The following OPRM1 variants were observed in gnomAD, a reference collection of about 807,000 sequenced individuals.
The protein encoded by OPRM1 is mu-type opioid receptor.
OPRM1 carries 27 observed loss-of-function variants against 31.8 expected under a neutral mutation model. That is an observed-to-expected ratio of 0.85 (90% confidence interval 0.63 to 1.17). The LOEUF (loss-of-function observed/expected upper bound fraction) is 1.17, where lower values mean the gene tolerates loss of function less well. OPRM1 is among the 50% of genes most tolerant of loss of function. OPRM1 has a pLI of 0.00. For synonymous variants in OPRM1, 196 were observed against 189.9 expected, an observed-to-expected ratio of 1.03 and a Z score of -0.26; for missense variants, 536 against 511.1, an observed-to-expected ratio of 1.05 and a Z score of -0.47.
chr6:154,164,462 T>A (rs1799265302), intron 3 of OPRM1, among the ~76,000 whole-genome samples: 1 of 152,216 alleles, frequency 6.6e-6, no homozygotes, highest in Non-Finnish European at 1.5e-5. Flanking sequence ...ACACCAGGCA[T>A]CCTGGGGCTG....
In OPRM1 at chr6:154,220,816, T is replaced by G. The variant is rs943059551; in HGVS notation, c.1165-25877T>G. 7.9e-5 allele frequency among the ~76,000 whole-genome samples: 12 copies of G among 152,344 alleles called. No homozygotes were observed. In the South Asian group the frequency reaches 2.1e-3, roughly 26 times the overall value. On this transcript the variant is annotated intron_variant, in intron 3 of 3. Transcript: ENST00000337049. ...TTGATGTACTCCGAGCAAAGGCGTT[T>G]TGCAATATGTTCAGGACAATACATG...
chr6:154,178,343 T>C (rs1167107406), intron 3 of OPRM1, among the ~76,000 whole-genome samples: 3 of 152,108 alleles, frequency 2.0e-5, no homozygotes, highest in Non-Finnish European at 4.4e-5. Context: ...ATTAAATCAG[T>C]AAAGATAAAA....
At chr6:154,170,578 C>T (rs114142847) in intron 3 of OPRM1, among the ~76,000 whole-genome samples, 1,633 of 152,264 alleles carry the variant, frequency 0.011, 14 homozygotes, top group African/African-American at 0.021. Flanking sequence ...TCTACCAAAC[C>T]GTCTCACAAA....
intron 3 of OPRM1, among the ~76,000 whole-genome samples, chr6:154,100,745 A>G (rs1011972857): frequency 6.6e-6 from 1 of 151,748 alleles, no homozygotes; most frequent in Non-Finnish European, 1.5e-5. Flanking sequence ...TCTGTTTTCT[A>G]TACAGACACC....
intron 3 of OPRM1, among the ~76,000 whole-genome samples, chr6:154,221,701 G>T (rs538976345): frequency 6.6e-6 from 1 of 151,902 alleles, no homozygotes; most frequent in Non-Finnish European, 1.5e-5. Flanking sequence ...GTGAAACCCC[G>T]TCTCTACTAA....
At chr6:154,158,551 G>A (rs955363658) in intron 3 of OPRM1, 2 of 152,072 alleles carry the variant, frequency 1.3e-5, no homozygotes, top group Non-Finnish European at 2.9e-5. Flanking sequence ...ACAAGAGATA[G>A]AAATCTAAAT....
At position 154,090,137 on chromosome 6, in the gene OPRM1, G is replaced by C; in HGVS notation, c.602G>C (p.Gly201Ala). ...AACTGGATCCTCTCTTCAGCCATTG[G>C]TCTTCCTGTAATGTTCATGGCTACA... is the stretch of plus-strand genomic sequence containing the variant. ...VCNWILSSAI[G>A]LPVMFMATTK... The change falls in exon 2 of 4, where the codon GGT becomes GCT. Residue 201 changes from glycine to alanine, a missense_variant. By Grantham distance (60) the Gly-to-Ala change is moderately conservative. Coordinates refer to ENST00000330432, the MANE Select transcript of OPRM1 (RefSeq NM_000914.5). 1 of 1,613,832 alleles carries C rather than the reference G, an allele frequency of 6.2e-7. No individual in the cohort carries two copies. The highest frequency in any genetic ancestry group is 8.5e-7 in the Non-Finnish European group (1 of 1,179,900).
intron 1 of OPRM1, among the ~76,000 whole-genome samples, chr6:154,062,057 CA>C (rs1784536600): frequency 6.6e-6 from 1 of 152,008 alleles, no homozygotes; most frequent in Non-Finnish European, 1.5e-5. Context: ...TTAAATATAA[CA>C]AAATGTTCCC....
At chr6:154,097,603 G>GT (rs1793616334) in intron 3 of OPRM1, among the ~76,000 whole-genome samples, 1 of 151,924 alleles carries the variant, frequency 6.6e-6, no homozygotes, top group Non-Finnish European at 1.5e-5. Context: ...GTGTGTGTGT[G>GT]TGTGTGCGTG....
At chr6:154,020,520 T>C (rs1171663878) in intron 1 of OPRM1, among the ~76,000 whole-genome samples, 1 of 152,238 alleles carries the variant, frequency 6.6e-6, no homozygotes, top group Non-Finnish European at 1.5e-5. Flanking sequence ...TAAAGACATT[T>C]ACTTACATTT....
chr6:154,195,361 A>T (rs565535170), intron 3 of OPRM1, among the ~76,000 whole-genome samples: 1 of 151,836 alleles, frequency 6.6e-6, no homozygotes, highest in Non-Finnish European at 1.5e-5. Flanking sequence ...GTTAGCCAGG[A>T]TGGTCTCGAT....
At chr6:154,098,715 T>C (rs888209816) in intron 3 of OPRM1, among the ~76,000 whole-genome samples, 19 of 152,218 alleles carry the variant, frequency 1.2e-4, no homozygotes, top group African/African-American at 4.6e-4. Context: ...TTTTGGCAGG[T>C]TGCAAATAAA....
intron 1 of OPRM1, among the ~76,000 whole-genome samples, chr6:154,083,139 A>T (rs1789556925): frequency 1.3e-5 from 2 of 152,204 alleles, no homozygotes; most frequent in African/African-American, 4.8e-5. Flanking sequence ...GCTATAATGG[A>T]AGTATCTCTC....
At chr6:154,158,902 G>A (rs2128545269) in intron 3 of OPRM1, 1 of 152,106 alleles carries the variant, frequency 6.6e-6, no homozygotes, top group East Asian at 1.9e-4. Flanking sequence ...GCTTCCATGG[G>A]TTTTTGTTTT....
rs1227249593 is a variant in OPRM1, at chr6:154,227,914, C to T, written c.1165-18779C>T. On this transcript the variant is annotated intron_variant, in intron 3 of 3. Transcript: ENST00000337049. ...TATAAGCAGAAGCTTTTTTTTTATT[C>T]TGAAGACAGTTGAGCTATATTCAAA... Among the ~76,000 whole-genome samples, 5 of 151,060 alleles carry T rather than the reference C, an allele frequency of 3.3e-5. No homozygotes were observed. In the East Asian group the frequency reaches 7.8e-4, roughly 23 times the overall value.
intron 3 of OPRM1, among the ~76,000 whole-genome samples, chr6:154,211,983 T>C (rs1489333261): frequency 6.6e-6 from 1 of 152,224 alleles, no homozygotes; most frequent in Non-Finnish European, 1.5e-5. Flanking sequence ...GTGCTTGGCC[T>C]CATTAAATGC....
At position 154,168,757 on chromosome 6, in the gene OPRM1, CA is replaced by C. The variant is rs1799636449; in HGVS notation, c.1164+77286del. On this transcript the variant is annotated intron_variant, in intron 3 of 3. Transcript: ENST00000337049. This position sits in a 1 kb window ranked among gnomAD's most constrained non-coding sequence, Gnocchi z 4.1. ...AGTAGCTGGGATTACAGGCACCTGC[CA>C]CCATGCCCGGCTCATTTTTATATTT... Among the ~76,000 whole-genome samples the C allele has an allele frequency of 6.6e-6, 1 of 151,996 alleles. No homozygotes were observed. Among genetic ancestry groups the C allele is most frequent in the Non-Finnish European group, 1.5e-5 (1 of 67,994 alleles).
Position 154,124,809 on chromosome 6 carries a change from A to T in OPRM1, c.*6088A>T, listed in dbSNP as rs1797493717. 6.6e-6 allele frequency among the ~76,000 whole-genome samples: 1 copy of T among 152,202 alleles called. No individual in the cohort carries two copies. Among genetic ancestry groups the T allele is most frequent in the South Asian group, 2.1e-4 (1 of 4,830 alleles). On this transcript the variant is annotated 3_prime_UTR_variant, in exon 4 of 4. Transcript: ENST00000330432. ...AAAAAGATGAAAGCTTACTCATATT[A>T]ACCATTCTACCATTGGAATTATTTG...
exon 1 of OPRM1, chr6:154,010,681 A>T (rs1777678764): frequency 6.9e-7 from 1 of 1,456,512 alleles, no homozygotes; most frequent in Non-Finnish European, 9.1e-7. Flanking sequence ...AAGCATGAAA[A>T]AGCAGCCGGG....
Sources: allele counts gnomAD v4.1 joint callset (sites outside exome capture counted in the v4.1 genomes callset), GRCh38; gene constraint gnomAD v4.1.1; non-coding constraint Gnocchi (gnomAD v3.1); transcripts MANE v1.5; gene names NCBI Gene and HGNC (gene_info 2026-07-23, HGNC 2026-07-21).